Variants in PAPOLA observed in about 807,000 individuals in gnomAD.
PAPOLA encodes the protein poly(A) polymerase alpha, also known as polynucleotide adenylyltransferase alpha.
PAPOLA carries 15 observed loss-of-function variants against 100.6 expected under a neutral mutation model. The ratio of observed to expected loss-of-function variants is 0.15; its 90% CI spans 0.10 to 0.23. The LOEUF is 0.23. PAPOLA is among the 10% of genes least tolerant of loss of function. The pLI is 1.00. For synonymous variants in PAPOLA, 293 were observed against 300.0 expected, an observed-to-expected ratio of 0.98 and a Z score of 0.24; for missense variants, 533 against 884.2, an observed-to-expected ratio of 0.60 and a Z score of 5.04.
chr14:96,529,220 A>G (rs1898772592), intron 6 of PAPOLA, among the ~76,000 whole-genome samples: 1 of 152,210 alleles, frequency 6.6e-6, no homozygotes, highest in Middle Eastern at 3.4e-3. Context: ...TGTCAGTATT[A>G]TTACTGAGTT....
intron 16 of PAPOLA, among the ~76,000 whole-genome samples, chr14:96,549,320 C>T (rs1036078339): frequency 1.3e-5 from 2 of 151,232 alleles, no homozygotes; most frequent in Non-Finnish European, 2.9e-5. Flanking sequence ...ACAATTTCGG[C>T]TCACTGCAAG....
intron 1 of PAPOLA, among the ~76,000 whole-genome samples, chr14:96,506,373 A>T (rs1281180117): frequency 1.3e-5 from 2 of 152,174 alleles, no homozygotes; most frequent in Non-Finnish European, 2.9e-5. Context: ...GGTTTTGAGG[A>T]GCACTTGTAT....
intron 1 of PAPOLA, 77 bp downstream of exon 1, chr14:96,502,677 C>G (rs1362487085): frequency 2.0e-6 from 3 of 1,505,262 alleles, no homozygotes; most frequent in Non-Finnish European, 1.8e-6. Context: ...AAGAGGTAGG[C>G]GGAGAGGGTG....
At chr14:96,502,647 G>T in intron 1 of PAPOLA, 47 bp downstream of exon 1, 1 of 1,556,982 alleles carries the variant, frequency 6.4e-7, no homozygotes, top group Non-Finnish European at 8.7e-7. Context: ...GCTGGGCCTT[G>T]GGGGGCGTCC....
chr14:96,506,047 G>A (rs142426783), intron 1 of PAPOLA, among the ~76,000 whole-genome samples: 1 of 152,252 alleles, frequency 6.6e-6, no homozygotes, highest in African/African-American at 2.4e-5. Flanking sequence ...GGGACTACAG[G>A]TGTACGCCAC....
At chr14:96,502,781 G>A (rs1392459998) in intron 1 of PAPOLA, 181 bp downstream of exon 1, 10 of 605,106 alleles carry the variant, frequency 1.7e-5, no homozygotes, top group Non-Finnish European at 2.7e-5. Flanking sequence ...TTCCCCCCGT[G>A]TGCTGGGTTC....
Position 96,552,622 on chromosome 14 carries a change from G to A in PAPOLA, c.1664G>A (p.Gly555Asp), listed in dbSNP as rs1330259516. Residue 555 changes from glycine (G) to aspartate (D), a missense_variant and splice_region_variant, in exon 17 of 22, where the codon GGC becomes GAC. Physicochemically the swap from Gly to Asp is moderately conservative, Grantham distance 94. Transcript: ENST00000216277. ...TTGAACAGTTCTGGCAGCTCTCAGG[G>A]GTAAGGAAAAAGAGGGAAATAGAAG... ...SPLNSSGSSQ[G>D]RNSPAPAVTA... The A allele has an allele frequency of 6.2e-7, 1 of 1,610,190 alleles. No individual in the cohort carries two copies. The highest frequency in any genetic ancestry group is 1.1e-5 in the South Asian group (1 of 90,030).
intron 11 of PAPOLA, among the ~76,000 whole-genome samples, chr14:96,536,396 T>A (rs1030092760): frequency 6.6e-5 from 10 of 152,112 alleles, no homozygotes; most frequent in Non-Finnish European, 1.3e-4. Context: ...TGGAGGAACC[T>A]TTTAACTTTT....
At chr14:96,562,594 A>G (rs1901946352) in intron 20 of PAPOLA, 1 of 350,278 alleles carries the variant, frequency 2.9e-6, no homozygotes, top group Admixed American at 4.5e-5. Flanking sequence ...AGTTTGACCC[A>G]TGCCTTATAA....
intron 20 of PAPOLA, among the ~76,000 whole-genome samples, chr14:96,561,729 A>C (rs1018537867): frequency 6.6e-6 from 1 of 152,174 alleles, no homozygotes; most frequent in African/African-American, 2.4e-5. Flanking sequence ...AGTTTGGTAT[A>C]CATCACCAAG....
chr14:96,533,475 A>G, intron 9 of PAPOLA: 1 of 984,360 alleles, frequency 1.0e-6, no homozygotes, highest in Non-Finnish European at 1.2e-6. Flanking sequence ...TTTTCAGTAC[A>G]CATTCTGGCT....
intron 1 of PAPOLA, among the ~76,000 whole-genome samples, chr14:96,518,432 G>C (rs910270270): frequency 2.0e-5 from 3 of 149,988 alleles, no homozygotes; most frequent in Non-Finnish European, 4.4e-5. Flanking sequence ...TTTTTGAGAC[G>C]GAGTCTCGCT....
At chr14:96,540,991 G>C (rs575866647) in intron 12 of PAPOLA, among the ~76,000 whole-genome samples, 1 of 152,190 alleles carries the variant, frequency 6.6e-6, no homozygotes, top group African/African-American at 2.4e-5. Flanking sequence ...CTGGGTTCAT[G>C]CCATTCTCCT....
intron 3 of PAPOLA, among the ~76,000 whole-genome samples, chr14:96,523,822 A>G (rs1168492537): frequency 6.6e-6 from 1 of 152,156 alleles, no homozygotes; most frequent in Non-Finnish European, 1.5e-5. Flanking sequence ...GCGCGCCTGT[A>G]ATCCCAGCTA....
rs1900061403 is a variant in PAPOLA, at chr14:96,542,359, A to G, written c.1169+63A>G. On this transcript the variant is annotated intron_variant, in intron 13 of 21. Transcript: ENST00000216277. ...TCAAAATGAATCACATAGCCACTGA[A>G]CACAGTAGGAGATGGGAGGAAGTCC... 13 of 968,100 alleles carry G rather than the reference A, an allele frequency of 1.3e-5. No individual in the cohort carries two copies. In the South Asian group the frequency reaches 1.8e-4, roughly 13 times the overall value. The allele number at this position is 968,100 out of a possible 1,614,324, so 60.0% of individuals were successfully genotyped here.
chr14:96,550,978 G>A (rs1410757006), intron 16 of PAPOLA, among the ~76,000 whole-genome samples: 1 of 152,140 alleles, frequency 6.6e-6, no homozygotes, highest in Non-Finnish European at 1.5e-5. Context: ...CCTTGCCCTG[G>A]GTTATGTAGT....
chr14:96,522,116 CTTTTTTTTTTTTT>C (rs754167531), intron 3 of PAPOLA, among the ~76,000 whole-genome samples: 1 of 57,842 alleles, frequency 1.7e-5, no homozygotes, highest in Non-Finnish European at 3.2e-5. Context: ...TTCTTTCTTT[CTTTTTTTTTTTTT>C]TTTTTTTTTT....
chr14:96,560,444 C>T (rs1901746795), intron 19 of PAPOLA: 4 of 462,144 alleles, frequency 8.7e-6, no homozygotes, highest in Non-Finnish European at 1.5e-5. Flanking sequence ...TTTCCTAATG[C>T]TCTTTTTAAT....
At chr14:96,523,683 C>T (rs941310979) in intron 3 of PAPOLA, among the ~76,000 whole-genome samples, 4 of 152,312 alleles carry the variant, frequency 2.6e-5, no homozygotes, top group East Asian at 3.9e-4. Flanking sequence ...CAGTGGCTTA[C>T]GCCTGTAATC....
Sources: gnomAD v4.1 joint callset for allele counts (sites outside exome capture counted in the v4.1 genomes callset) on GRCh38, gnomAD v4.1.1 for gene constraint, MANE v1.5 for transcripts, NCBI Gene and HGNC (gene_info 2026-07-23, HGNC 2026-07-21) for gene names.